The following SLC16A7 variants were observed in gnomAD, a reference collection of about 807,000 sequenced individuals.
SLC16A7 encodes the protein solute carrier family 16 member 7.
In SLC16A7, 33 loss-of-function variants were observed where a neutral mutation model predicts 34.9. The ratio of observed to expected loss-of-function variants is 0.94; its 90% confidence interval spans 0.72 to 1.26. The LOEUF (loss-of-function observed/expected upper bound fraction) is 1.26. SLC16A7 is among the 50% of genes most tolerant of loss of function. SLC16A7 has a pLI of 0.00. For missense variants in SLC16A7, 573 were observed against 578.1 expected (o/e 0.99, Z 0.09); for synonymous variants, 201 against 206.6 (o/e 0.97, Z 0.23).
chr12:59,636,588 C>T (rs1880438285), intron 1 of SLC16A7, among the ~76,000 whole-genome samples: 1 of 152,062 alleles, frequency 6.6e-6, no homozygotes, highest in African/African-American at 2.4e-5. Flanking sequence ...CTCTGTCTCC[C>T]AAGTAGCTGG....
intron 1 of SLC16A7, among the ~76,000 whole-genome samples, chr12:59,608,724 T>C (rs889632041): frequency 1.3e-4 from 20 of 152,238 alleles, no homozygotes; most frequent in African/African-American, 4.8e-4. Flanking sequence ...AAAATACTTG[T>C]ATGAGGAAAT....
chr12:59,608,428 T>G (rs961082376), intron 1 of SLC16A7, among the ~76,000 whole-genome samples: 2 of 152,184 alleles, frequency 1.3e-5, no homozygotes, highest in Admixed American at 6.5e-5. Flanking sequence ...CAGAATTGTT[T>G]GAGTATCACT....
chr12:59,781,626 G>A lies in SLC16A7; in HGVS notation c.*1947G>A, dbSNP rs547664935. ...GGTAAATAAATTAGGGAAAATGTGG[G>A]ACTTTATGGCTGTTTTTAATTTAGT... On this transcript the variant is annotated 3_prime_UTR_variant, in exon 6 of 6. Transcript: ENST00000547379. 6.6e-6 allele frequency: 1 copy of A among 152,634 alleles called. No homozygotes were observed. Among genetic ancestry groups the A allele is most frequent in the Admixed American group, 6.6e-5 (1 of 15,262 alleles). 9.5% of individuals were successfully genotyped at this position (152,634 alleles called of 1,614,324 possible). A position where few individuals can be genotyped will look rare whatever the true frequency, so the allele number is the denominator to read the frequency against.
intron 1 of SLC16A7, among the ~76,000 whole-genome samples, chr12:59,609,470 T>C (rs1952272219): frequency 6.7e-6 from 1 of 149,762 alleles, no homozygotes; most frequent in South Asian, 2.1e-4. Flanking sequence ...AACTTCATTC[T>C]GTGCTTTGGG....
At chr12:59,670,009 A>C (rs1024461751) in intron 2 of SLC16A7, among the ~76,000 whole-genome samples, 6 of 152,192 alleles carry the variant, frequency 3.9e-5, no homozygotes, top group African/African-American at 1.4e-4. Flanking sequence ...ATTGAAAACA[A>C]CAGAAATTTA....
chr12:59,625,824 A>G (rs1879902224), intron 1 of SLC16A7, among the ~76,000 whole-genome samples: 1 of 151,860 alleles, frequency 6.6e-6, no homozygotes, highest in Non-Finnish European at 1.5e-5. Context: ...AGACAATAGC[A>G]AATATGCCTA....
chr12:59,754,289 A>C (rs1372248665), intron 3 of SLC16A7, among the ~76,000 whole-genome samples: 11 of 152,182 alleles, frequency 7.2e-5, no homozygotes, highest in Admixed American at 5.2e-4. Context: ...AGACCAAAAA[A>C]ACCCTTCAAA....
At chr12:59,703,950 C>G (rs1400827170) in intron 2 of SLC16A7, among the ~76,000 whole-genome samples, 1 of 151,108 alleles carries the variant, frequency 6.6e-6, no homozygotes, top group Admixed American at 6.6e-5. Flanking sequence ...ACCCGTAATC[C>G]CAACACATTG....
intron 2 of SLC16A7, among the ~76,000 whole-genome samples, chr12:59,671,857 G>GCA (rs1869761041): frequency 1.4e-5 from 1 of 69,852 alleles, no homozygotes; most frequent in South Asian, 3.5e-4. Flanking sequence ...ATATATATGT[G>GCA]TATATGTATA....
In SLC16A7 at chr12:59,781,189, T is replaced by C. The variant is rs1406753138; in HGVS notation, c.*1510T>C. The C allele has an allele frequency of 1.3e-5, 2 of 152,320 alleles. No individual in the cohort carries two copies. The highest frequency in any genetic ancestry group is 2.9e-5 in the Non-Finnish European group (2 of 68,024). The allele number at this position is 152,320 out of a possible 1,614,324, so 9.4% of individuals were successfully genotyped here. On this transcript the variant is annotated 3_prime_UTR_variant, in exon 6 of 6. Coordinates refer to ENST00000547379, the MANE Select transcript of SLC16A7 (RefSeq NM_001270623.2). ...TATTCTTTTTAAACTATAAATACCA[T>C]TTTGAGTGAGAAAGTACTTTTAAAC...
At chr12:59,753,254 A>C (rs1879827223) in intron 3 of SLC16A7, among the ~76,000 whole-genome samples, 1 of 152,242 alleles carries the variant, frequency 6.6e-6, no homozygotes, top group African/African-American at 2.4e-5. Flanking sequence ...CACACATAAC[A>C]GTATTAACTT....
At chr12:59,742,323 C>G (rs538153096) in intron 3 of SLC16A7, among the ~76,000 whole-genome samples, 1 of 152,294 alleles carries the variant, frequency 6.6e-6, no homozygotes, top group South Asian at 2.1e-4. Context: ...TCTGGATCAT[C>G]AGGAAATTGT....
intron 1 of SLC16A7, among the ~76,000 whole-genome samples, chr12:59,634,145 C>T (rs901300605): frequency 2.0e-5 from 3 of 151,964 alleles, no homozygotes; most frequent in East Asian, 1.9e-4. Flanking sequence ...CTCTGGAATC[C>T]GTTCTTACAT....
chr12:59,720,169 A>T, intron 3 of SLC16A7: 1 of 676,290 alleles, frequency 1.5e-6, no homozygotes, highest in Non-Finnish European at 2.7e-6. Flanking sequence ...TGGAAAGATA[A>T]TAAATTTGTT....
intron 2 of SLC16A7, among the ~76,000 whole-genome samples, chr12:59,685,493 A>G (rs917944061): frequency 3.9e-5 from 6 of 152,050 alleles, no homozygotes; most frequent in Non-Finnish European, 8.8e-5. Context: ...AAGGAAATAC[A>G]TTTTGGACTG....
chr12:59,651,362 C>T lies in SLC16A7; in HGVS notation c.-129-3790C>T, dbSNP rs182497201. 3.9e-5 allele frequency among the ~76,000 whole-genome samples: 6 copies of T among 152,190 alleles called. 1 individual carries two copies. Among genetic ancestry groups the T allele is most frequent in the Admixed American group, 1.3e-4 (2 of 15,270 alleles). On this transcript the variant is annotated intron_variant, in intron 1 of 5. Coordinates refer to ENST00000547379, the MANE Select transcript of SLC16A7 (RefSeq NM_001270623.2). ...CATTTTCAGTATATGATGATGTAGG[C>T]CATTTCCTTAGATTCCATTCATGTA...
intron 2 of SLC16A7, among the ~76,000 whole-genome samples, chr12:59,665,436 T>A (rs187844845): frequency 1.3e-4 from 20 of 152,088 alleles, no homozygotes; most frequent in Non-Finnish European, 2.5e-4. Context: ...ATGTGTACTT[T>A]GTTGAAAAAA....
At chr12:59,609,734 A>G (rs1018907268) in intron 1 of SLC16A7, among the ~76,000 whole-genome samples, 1 of 152,176 alleles carries the variant, frequency 6.6e-6, no homozygotes, top group African/African-American at 2.4e-5. Flanking sequence ...GTCTTGAAGC[A>G]GTAATACTTA....
chr12:59,783,470 A>G lies in SLC16A7; in HGVS notation c.*3791A>G, dbSNP rs1883387440. 6.6e-6 allele frequency: 1 copy of G among 152,152 alleles called. No individual in the cohort carries two copies. The highest frequency in any genetic ancestry group is 1.5e-5 in the Non-Finnish European group (1 of 68,018). 9.4% of individuals were successfully genotyped at this position (152,152 alleles called of 1,614,324 possible). A position where few individuals can be genotyped will look rare whatever the true frequency, so the allele number is the denominator to read the frequency against. On this transcript the variant is annotated 3_prime_UTR_variant, in exon 6 of 6. Coordinates refer to ENST00000547379, the MANE Select transcript of SLC16A7 (RefSeq NM_001270623.2). ...AACCAGAAAGATCCCCGAGGTGTTCACTACCGTGCTGCCTCCCAATAGAGG... is the reference window on the plus strand; with the variant it reads ...AACCAGAAAGATCCCCGAGGTGTTCGCTACCGTGCTGCCTCCCAATAGAGG...
Sources: allele counts gnomAD v4.1 joint callset (sites outside exome capture counted in the v4.1 genomes callset), GRCh38; gene constraint gnomAD v4.1.1; transcripts MANE v1.5; gene names NCBI Gene and HGNC (gene_info 2026-07-23, HGNC 2026-07-21).